Variants in PATJ observed in about 807,000 individuals in gnomAD.
PATJ encodes inaD-like protein.
PATJ carries 190 observed loss-of-function variants against 224.9 expected under a neutral mutation model. The ratio of observed to expected loss-of-function variants is 0.84; its 90% CI spans 0.75 to 0.95. The LOEUF (loss-of-function observed/expected upper bound fraction) is 0.95, where lower values mean the gene tolerates loss of function less well. Ranked by LOEUF, PATJ falls within the 40% of genes least tolerant of loss-of-function variation. The probability of loss-of-function intolerance (pLI) is 0.00; values close to 1 mark genes in which losing one functional copy is unlikely to be tolerated. For missense variants in PATJ, 2,121 were observed against 2,270.3 expected (o/e 0.93, Z 1.34); for synonymous variants, 769 against 820.3 (o/e 0.94, Z 1.07).
At chr1:61,900,694 A>C (rs911319352) in intron 23 of PATJ, among the ~76,000 whole-genome samples, 1 of 151,744 alleles carries the variant, frequency 6.6e-6, no homozygotes, top group African/African-American at 2.4e-5. Context: ...GGTTCACGCC[A>C]TTCTCCTGCC....
intron 22 of PATJ, among the ~76,000 whole-genome samples, chr1:61,890,424 A>AGCTATGATTATACCAC (rs1553193538): frequency 1.3e-5 from 2 of 152,210 alleles, no homozygotes; most frequent in African/African-American, 4.8e-5. Flanking sequence ...GGTTATAGCA[A>AGCTATGATTATACCAC]GCTATGATTA....
intron 28 of PATJ, among the ~76,000 whole-genome samples, chr1:62,004,396 AT>A (rs1645970530): frequency 6.6e-6 from 1 of 152,132 alleles, no homozygotes; most frequent in South Asian, 2.1e-4. Context: ...TTATTGGAAT[AT>A]TTCTTGGTCT....
chr1:61,923,084 G>A (rs1674566961), intron 26 of PATJ, among the ~76,000 whole-genome samples: 1 of 152,212 alleles, frequency 6.6e-6, no homozygotes, highest in Non-Finnish European at 1.5e-5. Flanking sequence ...TTTGCATTCA[G>A]TAAAAACCCC....
intron 39 of PATJ, among the ~76,000 whole-genome samples, chr1:62,125,265 A>AAAAAAAAAAAAAAAAC: frequency 1.7e-5 from 1 of 59,970 alleles, no homozygotes; most frequent in Non-Finnish European, 5.0e-5. Context: ...AAAAAAAAAC[A>AAAAAAAAAAAAAAAAC]AAAAAAAAAC....
At chr1:62,128,749 TGGGAAATA>T in intron 40 of PATJ, 84 bp from the exon 41 acceptor site, 2 of 894,392 alleles carry the variant, frequency 2.2e-6, no homozygotes, top group South Asian at 2.8e-5. Flanking sequence ...TAGCCACAAA[TGGGAAATA>T]GGACTCGCAA....
At chr1:61,788,096 GA>G (rs35694329) in intron 8 of PATJ, 124 bp downstream of exon 8, 3 of 471,924 alleles carry the variant, frequency 6.4e-6, no homozygotes, top group African/African-American at 2.0e-5. Flanking sequence ...AGTGAAACAG[GA>G]AAAAAAAAAC....
At chr1:62,103,246 C>A (rs1662447439) in intron 33 of PATJ, among the ~76,000 whole-genome samples, 1 of 152,176 alleles carries the variant, frequency 6.6e-6, no homozygotes, top group Admixed American at 6.5e-5. Context: ...TGGTGTTAAA[C>A]AATCCTGAGA....
At chr1:61,796,700 TTC>T (rs1491401159) in intron 10 of PATJ, among the ~76,000 whole-genome samples, 866 of 59,200 alleles carry the variant, frequency 0.015, 11 homozygotes, top group African/African-American at 0.023. Flanking sequence ...CTTTCTTTCT[TTC>T]TTTCTTTCTT....
intron 21 of PATJ, among the ~76,000 whole-genome samples, chr1:61,876,301 A>T (rs1312969109): frequency 6.6e-6 from 1 of 152,218 alleles, no homozygotes; most frequent in Non-Finnish European, 1.5e-5. Flanking sequence ...AATATCTAAG[A>T]TTAGATGAAT....
intron 28 of PATJ, among the ~76,000 whole-genome samples, chr1:62,014,983 A>T (rs960246197): frequency 6.6e-6 from 1 of 152,126 alleles, no homozygotes; most frequent in Non-Finnish European, 1.5e-5. Flanking sequence ...CAGTGGACGT[A>T]TTTTTAAATG....
chr1:61,926,636 A>G (rs572061387), intron 26 of PATJ, among the ~76,000 whole-genome samples: 2 of 152,162 alleles, frequency 1.3e-5, no homozygotes, highest in South Asian at 4.2e-4. Context: ...GGCATTTTGT[A>G]TTTGGCATCT....
At chr1:61,984,491 G>C (rs946114903) in intron 27 of PATJ, among the ~76,000 whole-genome samples, 1 of 151,914 alleles carries the variant, frequency 6.6e-6, no homozygotes. Flanking sequence ...TAATGTTTCA[G>C]GGTTGGGATT....
At chr1:61,991,446 G>A (rs963926438) in intron 28 of PATJ, 1 of 958,992 alleles carries the variant, frequency 1.0e-6, no homozygotes, top group Non-Finnish European at 1.2e-6. Flanking sequence ...TGAAATGAAG[G>A]CTTACTGATT....
At chr1:62,117,503 A>AT (rs1343467057) in intron 37 of PATJ, 40 of 843,272 alleles carry the variant, frequency 4.7e-5, no homozygotes, top group Non-Finnish European at 6.0e-5. Context: ...AGCTGTGTTT[A>AT]TTTAAAAAAA....
chr1:62,143,559 T>C (rs544738907), intron 41 of PATJ, among the ~76,000 whole-genome samples: 50 of 147,790 alleles, frequency 3.4e-4, no homozygotes, highest in East Asian at 3.2e-3. Flanking sequence ...CAAGCGATTC[T>C]CCTGCCTCAG....
At chr1:61,796,358 G>A (rs1651101329) in intron 10 of PATJ, among the ~76,000 whole-genome samples, 1 of 152,310 alleles carries the variant, frequency 6.6e-6, no homozygotes, top group East Asian at 1.9e-4. Context: ...ACCTATTGGA[G>A]GGAGATCAGT....
intron 39 of PATJ, among the ~76,000 whole-genome samples, chr1:62,127,078 TTTATTCAGGAATGGGAATATGC>T: frequency 7.0e-6 from 1 of 143,318 alleles, no homozygotes; most frequent in African/African-American, 3.0e-5. Context: ...TGCGGGCCAG[TTTATTCAGGAATGGGAATATGC>T]GGGCCATAGT....
At chr1:61,994,371 A>G (rs1014856035) in intron 28 of PATJ, among the ~76,000 whole-genome samples, 1 of 152,210 alleles carries the variant, frequency 6.6e-6, no homozygotes, top group African/African-American at 2.4e-5. Flanking sequence ...AATACATTTC[A>G]GATGATTTTG....
At chr1:61,819,465 C>A (rs1656810364) in intron 14 of PATJ, among the ~76,000 whole-genome samples, 1 of 152,150 alleles carries the variant, frequency 6.6e-6, no homozygotes, top group East Asian at 1.9e-4. Context: ...GCAAAGACTT[C>A]ATCCTATATT....
Sources: allele counts gnomAD v4.1 joint callset (sites outside exome capture counted in the v4.1 genomes callset), GRCh38; gene constraint gnomAD v4.1.1; transcripts MANE v1.5; gene names NCBI Gene and HGNC (gene_info 2026-07-23, HGNC 2026-07-21).